The following RBFOX1 variants were observed in gnomAD, a reference collection of about 807,000 sequenced individuals.
The protein encoded by RBFOX1 is RNA binding protein fox-1 homolog 1.
RBFOX1 carries 8 observed loss-of-function variants against 57.7 expected under a neutral mutation model. The ratio of observed to expected loss-of-function variants is 0.14; its 90% CI spans 0.08 to 0.25. The LOEUF (loss-of-function observed/expected upper bound fraction) is 0.25. Ranked by LOEUF, RBFOX1 falls within the 10% of genes least tolerant of loss-of-function variation. The probability of loss-of-function intolerance (pLI) is 1.00; values close to 1 mark genes in which losing one functional copy is unlikely to be tolerated. For missense variants in RBFOX1, 611 were observed against 548.5 expected (o/e 1.11, Z -1.14); for synonymous variants, 326 against 222.4 (o/e 1.47, Z -4.15).
chr16:5,314,852 C>A (rs1013065330), intron 1 of RBFOX1, among the ~76,000 whole-genome samples: 2 of 147,786 alleles, frequency 1.4e-5, no homozygotes, highest in South Asian at 4.3e-4. Context: ...AAAGAACTTT[C>A]AGGTCAAAGA....
At chr16:7,196,973 C>T (rs910883281) in intron 4 of RBFOX1, among the ~76,000 whole-genome samples, 10 of 152,182 alleles carry the variant, frequency 6.6e-5, no homozygotes, top group Non-Finnish European at 1.3e-4. Flanking sequence ...CTAATCTTTG[C>T]ACGCAAGTCT....
At chr16:6,031,418 A>C (rs1567295915) in intron 1 of RBFOX1, among the ~76,000 whole-genome samples, 1 of 152,142 alleles carries the variant, frequency 6.6e-6, no homozygotes, top group Non-Finnish European at 1.5e-5. Context: ...TATTTTTGAG[A>C]TGGGGAAGAT....
intron 13 of RBFOX1, among the ~76,000 whole-genome samples, chr16:7,670,118 G>C (rs1030513310): frequency 6.6e-6 from 1 of 152,124 alleles, no homozygotes; most frequent in Non-Finnish European, 1.5e-5. Context: ...TGCAACCTCT[G>C]CCTCCCAGGT....
intron 4 of RBFOX1, among the ~76,000 whole-genome samples, chr16:7,412,301 GCTC>G (rs2098437030): frequency 1.3e-5 from 2 of 151,616 alleles, no homozygotes; most frequent in Admixed American, 1.3e-4. Flanking sequence ...TGTAATCTCA[GCTC>G]CTCATGAGGC....
At chr16:5,677,645 C>T (rs773903841) in intron 3 of RBFOX1, among the ~76,000 whole-genome samples, 8 of 152,200 alleles carry the variant, frequency 5.3e-5, no homozygotes, top group Admixed American at 2.6e-4. Context: ...ATTCCCTGCG[C>T]TCATGGAATA....
intron 4 of RBFOX1, among the ~76,000 whole-genome samples, chr16:7,254,250 G>C (rs1408186383): frequency 6.6e-6 from 1 of 152,148 alleles, no homozygotes; most frequent in Non-Finnish European, 1.5e-5. Context: ...TTGGCAGCAA[G>C]GACTCATAGT....
intron 3 of RBFOX1, among the ~76,000 whole-genome samples, chr16:6,999,560 A>G (rs1207672116): frequency 6.6e-6 from 1 of 152,138 alleles, no homozygotes; most frequent in Non-Finnish European, 1.5e-5. Context: ...AAAGTAGAAT[A>G]GTATACTGAT....
At chr16:5,723,227 G>C (rs2052002208) in intron 3 of RBFOX1, among the ~76,000 whole-genome samples, 1 of 152,204 alleles carries the variant, frequency 6.6e-6, no homozygotes, top group South Asian at 2.1e-4. Context: ...GCAGTAGATG[G>C]ATGACATGAG....
At chr16:7,589,155 G>C (rs1277669716) in intron 7 of RBFOX1, among the ~76,000 whole-genome samples, 3 of 152,208 alleles carry the variant, frequency 2.0e-5, no homozygotes, top group African/African-American at 4.8e-5. Context: ...TATTCTTGGC[G>C]AAATTGTAGA....
At chr16:6,588,948 T>G (rs755111425) in intron 2 of RBFOX1, among the ~76,000 whole-genome samples, 4 of 152,190 alleles carry the variant, frequency 2.6e-5, no homozygotes, top group Non-Finnish European at 4.4e-5. Flanking sequence ...ACTAGTCTTG[T>G]ACTTAGGAAA....
At chr16:7,120,345 A>T (rs1456583975) in intron 4 of RBFOX1, among the ~76,000 whole-genome samples, 1 of 152,124 alleles carries the variant, frequency 6.6e-6, no homozygotes, top group Middle Eastern at 3.4e-3. Flanking sequence ...ATGTAAGATT[A>T]AAAAAATGAA....
At chr16:7,642,798 G>C (rs1418572414) in intron 11 of RBFOX1, among the ~76,000 whole-genome samples, 1 of 152,000 alleles carries the variant, frequency 6.6e-6, no homozygotes, top group Non-Finnish European at 1.5e-5. Flanking sequence ...ATAAATCTCA[G>C]CTCTTCAGGG....
chr16:6,327,141 C>T (rs866861924), intron 2 of RBFOX1, among the ~76,000 whole-genome samples: 1 of 152,304 alleles, frequency 6.6e-6, no homozygotes, highest in African/African-American at 2.4e-5. Context: ...AATCCCAGTC[C>T]AGATGTATGG....
chr16:5,944,354 G>A (rs958362601), intron 4 of RBFOX1, among the ~76,000 whole-genome samples: 2 of 152,184 alleles, frequency 1.3e-5, no homozygotes, highest in East Asian at 1.9e-4. Context: ...CTTTGGGATG[G>A]AGAAGAGAGA....
intron 2 of RBFOX1, among the ~76,000 whole-genome samples, chr16:5,505,710 A>G (rs978743030): frequency 6.6e-6 from 1 of 152,158 alleles, no homozygotes; most frequent in Non-Finnish European, 1.5e-5. Context: ...ACCATCTTAC[A>G]TTGTCCAGGA....
intron 4 of RBFOX1, among the ~76,000 whole-genome samples, chr16:5,998,370 A>G (rs2060526127): frequency 6.6e-6 from 1 of 152,246 alleles, no homozygotes. Flanking sequence ...TGTCTATAAC[A>G]AAAGAAATAG....
At chr16:6,929,070 C>G (rs2076096379) in intron 3 of RBFOX1, among the ~76,000 whole-genome samples, 1 of 152,138 alleles carries the variant, frequency 6.6e-6, no homozygotes, top group Non-Finnish European at 1.5e-5. Flanking sequence ...AAACACCATG[C>G]TTGCCCCACT....
chr16:6,413,803 A>G (rs1357467701), intron 2 of RBFOX1, among the ~76,000 whole-genome samples: 2 of 152,184 alleles, frequency 1.3e-5, no homozygotes, highest in Non-Finnish European at 2.9e-5. Context: ...TCTCCTCTAC[A>G]CACTCACACT....
intron 3 of RBFOX1, among the ~76,000 whole-genome samples, chr16:5,613,173 C>T (rs188597308): frequency 1.6e-3 from 246 of 152,252 alleles, no homozygotes; most frequent in African/African-American, 5.3e-3. Flanking sequence ...GGTACCAAGA[C>T]GGGAAACAGT....
Sources: gnomAD v4.1 joint callset for allele counts (sites outside exome capture counted in the v4.1 genomes callset) on GRCh38, gnomAD v4.1.1 for gene constraint, MANE v1.5 for transcripts, NCBI Gene and HGNC (gene_info 2026-07-23, HGNC 2026-07-21) for gene names.